CLEC1A: variants seen among roughly 807,000 people sequenced by gnomAD.
The protein encoded by CLEC1A is C-type lectin-like receptor-1.
A neutral mutation model predicts 28.7 loss-of-function variants in CLEC1A; 34 were observed. That is an observed-to-expected ratio of 1.18 (90% CI 0.90 to 1.57). The LOEUF is 1.57. Among genes scored for constraint, CLEC1A ranks in the 40% most tolerant of loss-of-function variants. The pLI is 0.00. For missense variants in CLEC1A, 385 were observed against 339.5 expected (o/e 1.13, Z -1.05); for synonymous variants, 116 against 121.0 (o/e 0.96, Z 0.27).
intron 1 of CLEC1A, among the ~76,000 whole-genome samples, chr12:10,093,235 T>C (rs188309061): frequency 6.6e-6 from 1 of 152,104 alleles, no homozygotes; most frequent in Non-Finnish European, 1.5e-5. Context: ...AGGAGGTCGC[T>C]TGAGTTTGGT....
At chr12:10,081,016 T>G (rs538694070) in intron 3 of CLEC1A, among the ~76,000 whole-genome samples, 19 of 152,352 alleles carry the variant, frequency 1.2e-4, no homozygotes, top group African/African-American at 3.8e-4. Context: ...TTGTTTTTAT[T>G]GTTTTAAAAT....
intron 2 of CLEC1A, among the ~76,000 whole-genome samples, chr12:10,088,746 G>A (rs1866553083): frequency 6.6e-6 from 1 of 151,970 alleles, no homozygotes; most frequent in Admixed American, 6.6e-5. Context: ...TCTATGGGTA[G>A]CATATTCTGC....
At chr12:10,079,900 G>T (rs1489469652) in intron 3 of CLEC1A, among the ~76,000 whole-genome samples, 2 of 152,244 alleles carry the variant, frequency 1.3e-5, no homozygotes, top group African/African-American at 4.8e-5. Context: ...GCCTGGGCTG[G>T]TCTTGATCTC....
chr12:10,071,184 G>C lies in CLEC1A; in HGVS notation c.*149C>G, dbSNP rs760974614. ...GCATAAACCCAAGCTCAGAAATGCT[G>C]GTGATCCTGAACAGGAAACACGAGA... On this transcript the variant is annotated 3_prime_UTR_variant, in exon 6 of 6. Coordinates refer to ENST00000315330, the MANE Select transcript of CLEC1A (RefSeq NM_016511.4). 36 of 673,200 alleles carry C rather than the reference G, an allele frequency of 5.3e-5. No homozygotes were observed. The highest frequency in any genetic ancestry group is 7.9e-5 in the Non-Finnish European group (33 of 417,118). 41.7% of individuals were successfully genotyped at this position (673,200 alleles called of 1,614,324 possible).
At chr12:10,076,343 T>C (rs1377509481) in intron 3 of CLEC1A, among the ~76,000 whole-genome samples, 1 of 152,192 alleles carries the variant, frequency 6.6e-6, no homozygotes, top group East Asian at 1.9e-4. Flanking sequence ...CCAAGTCATA[T>C]CTATAACAAT....
intron 3 of CLEC1A, among the ~76,000 whole-genome samples, chr12:10,078,542 C>A (rs1280758756): frequency 6.6e-6 from 1 of 152,188 alleles, no homozygotes; most frequent in Non-Finnish European, 1.5e-5. Context: ...AATTCCTTAT[C>A]CCTCTTGCCT....
intron 2 of CLEC1A, among the ~76,000 whole-genome samples, chr12:10,087,832 T>C (rs1392811075): frequency 6.6e-6 from 1 of 151,484 alleles, no homozygotes; most frequent in Non-Finnish European, 1.5e-5. Flanking sequence ...CTAAAAAAAA[T>C]GTATAATTTA....
At chr12:10,095,162 G>A (rs952737733) in intron 1 of CLEC1A, among the ~76,000 whole-genome samples, 2 of 152,074 alleles carry the variant, frequency 1.3e-5, no homozygotes, top group East Asian at 1.9e-4. Flanking sequence ...AGTTAACAGC[G>A]ATTTATGTCA....
chr12:10,081,207 A>T (rs1591910212), intron 3 of CLEC1A, 30 bp downstream of exon 3: 3 of 1,509,030 alleles, frequency 2.0e-6, no homozygotes, highest in Non-Finnish European at 8.9e-7. Flanking sequence ...TCCAGACAAC[A>T]TGGGGACAGA....
intron 1 of CLEC1A, among the ~76,000 whole-genome samples, chr12:10,095,088 G>A (rs1947759134): frequency 6.6e-6 from 1 of 152,050 alleles, no homozygotes; most frequent in South Asian, 2.1e-4. Flanking sequence ...TGAAAAAGAG[G>A]CTCCTCTAGT....
At chr12:10,087,575 T>G (rs11834283) in intron 2 of CLEC1A, among the ~76,000 whole-genome samples, 1 of 143,856 alleles carries the variant, frequency 7.0e-6, no homozygotes. Context: ...TGGAGTGCAG[T>G]GCAGTGGTGT....
intron 1 of CLEC1A, among the ~76,000 whole-genome samples, chr12:10,096,785 C>T (rs567011822): frequency 1.5e-4 from 23 of 152,064 alleles, no homozygotes; most frequent in Non-Finnish European, 2.9e-4. Context: ...GTGTCCCCAG[C>T]CTCTCAAACA....
At chr12:10,074,899 A>G (rs1462316456) in intron 4 of CLEC1A, among the ~76,000 whole-genome samples, 8 of 152,236 alleles carry the variant, frequency 5.3e-5, no homozygotes, top group Non-Finnish European at 1.2e-4. Flanking sequence ...TAAATAAACA[A>G]CGGCCATACT....
At position 10,089,111 on chromosome 12, in the gene CLEC1A, A is replaced by G. The variant is rs780784431; in HGVS notation, c.214+13T>C. Reference sequence around the variant, plus strand: ...GAACCAGGATCCTCCCCCAGGTCAGAGCGCAGACTTACACAAAAGCCCCAG... The same window carrying G: ...GAACCAGGATCCTCCCCCAGGTCAGGGCGCAGACTTACACAAAAGCCCCAG... On this transcript the variant is annotated intron_variant, in intron 2 of 5. Transcript: ENST00000315330. 1.9e-6 allele frequency: 3 copies of G among 1,601,514 alleles called. No homozygotes were observed. Among genetic ancestry groups the G allele is most frequent in the Non-Finnish European group, 2.6e-6 (3 of 1,168,678 alleles).
At position 10,098,860 on chromosome 12, in the gene CLEC1A, G is replaced by A. The variant is rs1947812658; in HGVS notation, c.63C>T (p.Ser21=). 4 of 1,613,620 alleles carry A rather than the reference G, an allele frequency of 2.5e-6. No homozygotes were observed. Among genetic ancestry groups the A allele is most frequent in the Non-Finnish European group, 3.4e-6 (4 of 1,179,816 alleles). ...MLDDDGDTTM[S]LHSQGSATTR... is the part of the protein sequence containing the mutation. ...TTGTGGCAGAGCCTTGAGAATGCAG[G>A]CTCATGGTGGTGTCCCCATCATCAT... Residue 21 remains serine, a synonymous_variant, in exon 1 of 6, where the codon AGC becomes AGT. Transcript: ENST00000315330.
chr12:10,094,212 C>T (rs544933120), intron 1 of CLEC1A, among the ~76,000 whole-genome samples: 1 of 152,096 alleles, frequency 6.6e-6, no homozygotes, highest in Non-Finnish European at 1.5e-5. Context: ...ATGATAATTG[C>T]TCAAATTTCT....
intron 2 of CLEC1A, among the ~76,000 whole-genome samples, chr12:10,084,800 C>T (rs930338522): frequency 1.8e-4 from 22 of 119,426 alleles, no homozygotes; most frequent in East Asian, 1.3e-3. Context: ...CCAGCCTAGG[C>T]GACAGAGTGA....
intron 2 of CLEC1A, among the ~76,000 whole-genome samples, chr12:10,086,852 A>G (rs1167491647): frequency 6.6e-6 from 1 of 152,186 alleles, no homozygotes; most frequent in Non-Finnish European, 1.5e-5. Flanking sequence ...CACAGAACAA[A>G]AAGAAAACTA....
intron 2 of CLEC1A, among the ~76,000 whole-genome samples, chr12:10,087,459 A>T (rs1866518392): frequency 7.4e-6 from 1 of 134,684 alleles, no homozygotes; most frequent in African/African-American, 2.8e-5. Flanking sequence ...CATATAAAGG[A>T]CATACCTCAA....
Sources: gnomAD v4.1 joint callset for allele counts (sites outside exome capture counted in the v4.1 genomes callset) on GRCh38, gnomAD v4.1.1 for gene constraint, MANE v1.5 for transcripts, NCBI Gene and HGNC (gene_info 2026-07-23, HGNC 2026-07-21) for gene names.